RIMS2: variants seen among roughly 807,000 people sequenced by gnomAD.
The protein encoded by RIMS2 is regulating synaptic membrane exocytosis 2.
RIMS2 carries 59 observed loss-of-function variants against 174.4 expected under a neutral mutation model. The ratio of observed to expected loss-of-function variants is 0.34; its 90% CI spans 0.27 to 0.42. The LOEUF is 0.42. RIMS2 is among the 10% of genes least tolerant of loss of function. The pLI is 1.00. For synonymous variants in RIMS2, 606 were observed against 572.5 expected (o/e 1.06, Z -0.84); for missense variants, 1,620 against 1,666.3 (o/e 0.97, Z 0.48).
chr8:103,569,159 A>G (rs1277960794), intron 1 of RIMS2, among the ~76,000 whole-genome samples: 1 of 152,100 alleles, frequency 6.6e-6, no homozygotes, highest in African/African-American at 2.4e-5. Context: ...TAAGAGTTTT[A>G]CAGTTTTGGC....
chr8:103,533,009 A>C (rs1837966048), intron 1 of RIMS2, among the ~76,000 whole-genome samples: 1 of 152,232 alleles, frequency 6.6e-6, no homozygotes, highest in Admixed American at 6.5e-5. Flanking sequence ...ATATGTTGAC[A>C]TTACCAGACT....
chr8:104,136,971 C>T (rs2098526182), intron 19 of RIMS2, among the ~76,000 whole-genome samples: 1 of 152,058 alleles, frequency 6.6e-6, no homozygotes, highest in African/African-American at 2.4e-5. Context: ...CAATTGTACT[C>T]ATATATTAAC....
chr8:104,096,060 T>C (rs1018195051), intron 19 of RIMS2, among the ~76,000 whole-genome samples: 1 of 152,166 alleles, frequency 6.6e-6, no homozygotes, highest in African/African-American at 2.4e-5. Context: ...CTTTTGATAA[T>C]TACATTGGTT....
intron 19 of RIMS2, among the ~76,000 whole-genome samples, chr8:104,235,077 A>G (rs1334043973): frequency 6.6e-6 from 1 of 152,156 alleles, no homozygotes; most frequent in Non-Finnish European, 1.5e-5. Context: ...TCATGAAGTC[A>G]GAATTTAGTG....
chr8:103,880,785 T>A (rs1477467520), intron 3 of RIMS2: 2 of 395,686 alleles, frequency 5.1e-6, no homozygotes, highest in Admixed American at 8.4e-5. Flanking sequence ...ATTCAAAGCT[T>A]TTTGTAGGAA....
chr8:104,113,795 TTA>T (rs2098235660), intron 19 of RIMS2, among the ~76,000 whole-genome samples: 2 of 151,936 alleles, frequency 1.3e-5, no homozygotes, highest in Non-Finnish European at 2.9e-5. Flanking sequence ...TGATCCCAAA[TTA>T]TGTTTTTTTT....
chr8:103,679,810 A>G (rs1357465520), intron 1 of RIMS2, among the ~76,000 whole-genome samples: 1 of 151,998 alleles, frequency 6.6e-6, no homozygotes, highest in East Asian at 1.9e-4. Context: ...AAAGTTTTAA[A>G]CTAGTTTTAT....
intron 19 of RIMS2, among the ~76,000 whole-genome samples, chr8:104,028,312 G>C (rs1425366729): frequency 6.6e-6 from 1 of 151,922 alleles, no homozygotes; most frequent in Non-Finnish European, 1.5e-5. Flanking sequence ...TCACCTCTTA[G>C]TTAAGTCTCC....
At position 104,069,463 on chromosome 8, in the gene RIMS2, C is replaced by CTTT. The variant is rs71297250; in HGVS notation, c.3334+54869_3334+54871dup. Reference sequence around the variant, plus strand: ...GGAAATAAAGTATTAATTAATTGTTCTTTTTTTTTTTTTTTTTTTTTTTGA... The same window carrying CTTT: ...GGAAATAAAGTATTAATTAATTGTTCTTTTTTTTTTTTTTTTTTTTTTTTTTGA... On this transcript the variant is annotated intron_variant, in intron 19 of 23. Coordinates refer to ENST00000504942, the Ensembl canonical transcript of RIMS2. 5.6e-3 allele frequency among the ~76,000 whole-genome samples: 519 copies of CTTT among 91,948 alleles called. 4 individuals carry two copies. Among genetic ancestry groups the CTTT allele is most frequent in the Non-Finnish European group, 6.7e-3 (313 of 46,380 alleles). The allele number at this position is 91,948 out of a possible 152,430, so 60.3% of individuals were successfully genotyped here.
At chr8:103,814,753 C>A (rs1049711263) in intron 3 of RIMS2, among the ~76,000 whole-genome samples, 17 of 152,018 alleles carry the variant, frequency 1.1e-4, no homozygotes, top group African/African-American at 4.8e-5. Context: ...ATGGTGCACA[C>A]CTATAGTCCT....
chr8:103,886,534 T>C (rs2099202777), intron 4 of RIMS2, among the ~76,000 whole-genome samples: 1 of 151,958 alleles, frequency 6.6e-6, no homozygotes, highest in Non-Finnish European at 1.5e-5. Flanking sequence ...TAAAATAACA[T>C]TTATTTTTTG....
chr8:103,545,436 A>T (rs1010429483), intron 1 of RIMS2, among the ~76,000 whole-genome samples: 5 of 152,248 alleles, frequency 3.3e-5, no homozygotes, highest in Admixed American at 2.6e-4. Flanking sequence ...GAAAGCAAGC[A>T]ACTTGGAAAA....
intron 1 of RIMS2, among the ~76,000 whole-genome samples, chr8:103,618,009 T>C (rs2095545645): frequency 6.6e-6 from 1 of 152,092 alleles, no homozygotes; most frequent in African/African-American, 2.4e-5. Context: ...GGAATATAAA[T>C]CATTTCACTG....
At chr8:103,606,517 C>T (rs928101512) in intron 1 of RIMS2, among the ~76,000 whole-genome samples, 4 of 152,164 alleles carry the variant, frequency 2.6e-5, no homozygotes, top group African/African-American at 7.2e-5. Flanking sequence ...TCTATTAGGT[C>T]TGCTTGGTGC....
chr8:103,711,102 C>CT (rs980172086), intron 2 of RIMS2, among the ~76,000 whole-genome samples: 2 of 152,196 alleles, frequency 1.3e-5, no homozygotes, highest in East Asian at 3.8e-4. Flanking sequence ...AGAACACTAT[C>CT]TTTTTTGTGG....
chr8:103,722,547 A>C (rs1201572479), intron 2 of RIMS2, among the ~76,000 whole-genome samples: 2 of 152,086 alleles, frequency 1.3e-5, no homozygotes, highest in African/African-American at 4.8e-5. Context: ...TCCTGTGAGA[A>C]TCTAATGCCG....
chr8:103,697,573 C>T (rs1303771884), intron 2 of RIMS2, among the ~76,000 whole-genome samples: 2 of 149,554 alleles, frequency 1.3e-5, no homozygotes, highest in African/African-American at 4.9e-5. Context: ...AAAAAACCCA[C>T]AAAAATTAGC....
At chr8:103,553,687 G>A (rs1849089848) in intron 1 of RIMS2, among the ~76,000 whole-genome samples, 1 of 152,044 alleles carries the variant, frequency 6.6e-6, no homozygotes, top group Non-Finnish European at 1.5e-5. Flanking sequence ...CCTTCACAGA[G>A]TTTGAAAAAG....
At chr8:103,793,043 A>G (rs547480972) in intron 3 of RIMS2, among the ~76,000 whole-genome samples, 2 of 152,214 alleles carry the variant, frequency 1.3e-5, no homozygotes, top group Non-Finnish European at 2.9e-5. Flanking sequence ...AACTATTCCA[A>G]TCAATAGAAA....
Sources: gnomAD v4.1 joint callset for allele counts (sites outside exome capture counted in the v4.1 genomes callset) on GRCh38, gnomAD v4.1.1 for gene constraint, MANE v1.5 for transcripts, NCBI Gene and HGNC (gene_info 2026-07-23, HGNC 2026-07-21) for gene names.